SIPA1L3: variants seen among roughly 807,000 people sequenced by gnomAD.
The protein encoded by SIPA1L3 is signal induced proliferation associated 1 like 3.
SIPA1L3 carries 59 observed loss-of-function variants against 150.1 expected under a neutral mutation model. That is an observed-to-expected ratio of 0.39 (90% CI 0.32 to 0.49). SIPA1L3 has a LOEUF of 0.49. Ranked by LOEUF, SIPA1L3 falls within the 20% of genes least tolerant of loss-of-function variation. The probability of loss-of-function intolerance (pLI) is 0.86; values close to 1 mark genes in which losing one functional copy is unlikely to be tolerated. For missense variants in SIPA1L3, 2,211 were observed against 2,489.5 expected, an observed-to-expected ratio of 0.89 and a Z score of 2.38; for synonymous variants, 1,070 against 1,077.6, an observed-to-expected ratio of 0.99 and a Z score of 0.14.
chr19:38,015,822 A>G (rs1968220295), intron 1 of SIPA1L3, among the ~76,000 whole-genome samples: 1 of 151,572 alleles, frequency 6.6e-6, no homozygotes, highest in African/African-American at 2.4e-5. Context: ...CTGTGTTCGA[A>G]GCAACTCCTG....
At chr19:37,952,565 CAG>C (rs926867699) in intron 1 of SIPA1L3, among the ~76,000 whole-genome samples, 12 of 151,992 alleles carry the variant, frequency 7.9e-5, no homozygotes, top group Admixed American at 3.9e-4. Context: ...CCCAGCTACT[CAG>C]GGGGCTGAGG....
At chr19:38,142,852 A>G (rs1034567225) in intron 12 of SIPA1L3, 142 bp downstream of exon 12, 1 of 1,073,032 alleles carries the variant, frequency 9.3e-7, no homozygotes, top group South Asian at 1.6e-5. Context: ...GAGGAGCCCC[A>G]TGGGGTGGTT....
Position 38,082,339 on chromosome 19 carries a change from G to A in SIPA1L3, c.774G>A (p.Lys258=), listed in dbSNP as rs763506883. Residue 258 remains lysine, a synonymous_variant, in exon 3 of 22, where the codon AAG becomes AAA. Coordinates refer to ENST00000222345, the MANE Select transcript of SIPA1L3 (RefSeq NM_015073.3). ...PHLMGGGGGA[K]GDSHNGQPAK... ...TCATGGGGGGCGGCGGCGGAGCCAA[G>A]GGGGACTCCCACAACGGGCAGCCCG... 5.6e-6 allele frequency: 9 copies of A among 1,598,660 alleles called. No individual in the cohort carries two copies. The Admixed American group carries it at 6.7e-5, about 12-fold the overall frequency.
intron 1 of SIPA1L3, among the ~76,000 whole-genome samples, chr19:38,022,806 C>T (rs578023411): frequency 1.3e-5 from 2 of 152,310 alleles, no homozygotes; most frequent in East Asian, 1.9e-4. Flanking sequence ...TGCTTCAACC[C>T]AGAAAGAATT....
intron 8 of SIPA1L3, among the ~76,000 whole-genome samples, chr19:38,113,902 CCTTT>C (rs374415191): frequency 1.1e-4 from 16 of 152,264 alleles, no homozygotes; most frequent in African/African-American, 3.8e-4. Context: ...GAGTTTTCAT[CCTTT>C]CTGTTTCAAG....
chr19:38,064,318 C>T (rs1264607550), intron 2 of SIPA1L3, among the ~76,000 whole-genome samples: 3 of 152,222 alleles, frequency 2.0e-5, no homozygotes, highest in Admixed American at 6.5e-5. Flanking sequence ...CCTGGGCTGT[C>T]TGGCCCCTGA....
Position 38,206,367 on chromosome 19 carries a change from A to G in SIPA1L3, c.*127A>G. ...CCCATCCAGGGCCCTCCCCATGGAC[A>G]CGGAAACTCCGATGGCCTCACTAGG... On this transcript the variant is annotated 3_prime_UTR_variant, in exon 22 of 22. Coordinates refer to ENST00000222345, the MANE Select transcript of SIPA1L3 (RefSeq NM_015073.3). 1 of 1,157,588 alleles carries G rather than the reference A, an allele frequency of 8.6e-7. No individual in the cohort carries two copies. The allele number at this position is 1,157,588 out of a possible 1,614,324, so 71.7% of individuals were successfully genotyped here. A position where few individuals can be genotyped will look rare whatever the true frequency, so the allele number is the denominator to read the frequency against.
At chr19:38,145,393 T>TCCAC (rs1337987841) in intron 12 of SIPA1L3, among the ~76,000 whole-genome samples, 2 of 151,758 alleles carry the variant, frequency 1.3e-5, no homozygotes, top group Non-Finnish European at 2.9e-5. Flanking sequence ...ATTAGCTGGG[T>TCCAC]GTGGTGGCAC....
intron 12 of SIPA1L3, among the ~76,000 whole-genome samples, chr19:38,149,911 C>T (rs1170266863): frequency 2.0e-5 from 3 of 152,176 alleles, no homozygotes; most frequent in Non-Finnish European, 2.9e-5. Flanking sequence ...TCAGACTTTC[C>T]GCCCTCCCCG....
In SIPA1L3 at chr19:38,081,744, C is replaced by G; in HGVS notation, c.179C>G (p.Thr60Ser). ...LGESPATATA[T>S]ATATTRPSPT... The stretch of plus-strand genomic sequence containing the variant: ...GAGAGCCCGGCCACCGCCACCGCCA[C>G]CGCCACCGCCACCACCCGCCCCAGC... Residue 60 changes from threonine to serine, a missense_variant, in exon 3 of 22, where the codon ACC becomes AGC. Thr to Ser is a moderately conservative substitution (Grantham distance 58). Coordinates refer to ENST00000222345, the MANE Select transcript of SIPA1L3 (RefSeq NM_015073.3). 1 of 1,600,070 alleles carries G rather than the reference C, an allele frequency of 6.2e-7. No individual in the cohort carries two copies. Among genetic ancestry groups the G allele is most frequent in the Non-Finnish European group, 8.5e-7 (1 of 1,175,118 alleles).
At position 38,202,596 on chromosome 19, in the gene SIPA1L3, G is replaced by T. The variant is rs546019867; in HGVS notation, c.5120+599G>T. Among the ~76,000 whole-genome samples the T allele has an allele frequency of 2.0e-5, 3 of 152,006 alleles. No individual in the cohort carries two copies. In the East Asian group the frequency reaches 5.8e-4, roughly 29 times the overall value. On this transcript the variant is annotated intron_variant, in intron 20 of 21. Coordinates refer to ENST00000222345, the MANE Select transcript of SIPA1L3 (RefSeq NM_015073.3). ...GAGGGAGACTCCATCTCAAAAAAAA[G>T]AAAAAAAGAAAGGAAAGCTGCTAGG...
At chr19:38,039,685 C>T in intron 2 of SIPA1L3, among the ~76,000 whole-genome samples, 1 of 105,382 alleles carries the variant, frequency 9.5e-6, no homozygotes, top group Non-Finnish European at 1.8e-5. Flanking sequence ...CAGAGCAAGA[C>T]TCTGTCTCAA....
chr19:37,977,583 G>GCCC (rs537035094), intron 1 of SIPA1L3, among the ~76,000 whole-genome samples: 3 of 150,374 alleles, frequency 2.0e-5, no homozygotes, highest in African/African-American at 7.3e-5. Flanking sequence ...TCCCCTCCAC[G>GCCC]CCCCCCCCCA....
chr19:38,026,378 A>G (rs1272239534), intron 1 of SIPA1L3, among the ~76,000 whole-genome samples: 4 of 152,134 alleles, frequency 2.6e-5, no homozygotes, highest in Non-Finnish European at 5.9e-5. Flanking sequence ...CTTTGGTGGC[A>G]GGGTCACCCC....
intron 1 of SIPA1L3, among the ~76,000 whole-genome samples, chr19:37,996,818 T>A (rs150863596): frequency 2.0e-3 from 307 of 152,226 alleles, no homozygotes; most frequent in Middle Eastern, 6.8e-3. Context: ...TGCCTTAACC[T>A]CCCAAGTAGC....
chr19:37,911,155 T>G (rs903319467), intron 1 of SIPA1L3, among the ~76,000 whole-genome samples: 1 of 152,194 alleles, frequency 6.6e-6, no homozygotes, highest in Non-Finnish European at 1.5e-5. Context: ...GATAGCATAA[T>G]GAACAAAATG....
chr19:38,095,134 G>A (rs568240917), intron 4 of SIPA1L3, among the ~76,000 whole-genome samples: 1 of 152,208 alleles, frequency 6.6e-6, no homozygotes, highest in Non-Finnish European at 1.5e-5. Context: ...TATGCATGTG[G>A]CTTTGTACAT....
intron 1 of SIPA1L3, among the ~76,000 whole-genome samples, chr19:37,978,494 C>T (rs1967127168): frequency 6.6e-6 from 1 of 152,136 alleles, no homozygotes; most frequent in South Asian, 2.1e-4. Flanking sequence ...TGTGCTGAGG[C>T]TCAGAGAGGG....
At chr19:38,003,691 C>T (rs1967867217) in intron 1 of SIPA1L3, among the ~76,000 whole-genome samples, 1 of 152,184 alleles carries the variant, frequency 6.6e-6, no homozygotes, top group Non-Finnish European at 1.5e-5. Context: ...CGAGAGAGCT[C>T]GTTGTGGAAC....
Sources: gnomAD v4.1 joint callset for allele counts (sites outside exome capture counted in the v4.1 genomes callset) on GRCh38, gnomAD v4.1.1 for gene constraint, MANE v1.5 for transcripts, NCBI Gene and HGNC (gene_info 2026-07-23, HGNC 2026-07-21) for gene names.